NTM: variants seen among roughly 807,000 people sequenced by gnomAD.
NTM encodes the protein neurotrimin.
In NTM, 13 loss-of-function variants were observed where a neutral mutation model predicts 42.1. That is an observed-to-expected ratio of 0.31 (90% confidence interval 0.20 to 0.49). The LOEUF (loss-of-function observed/expected upper bound fraction) is 0.49. Among genes scored for constraint, NTM ranks in the 20% least tolerant of loss-of-function variants. The pLI is 0.99. For synonymous variants in NTM, 187 were observed against 179.2 expected, an observed-to-expected ratio of 1.04 and a Z score of -0.35; for missense variants, 373 against 452.8, an observed-to-expected ratio of 0.82 and a Z score of 1.60.
chr11:131,911,352 C>A, intron 1 of NTM: 1 of 1,521,340 alleles, frequency 6.6e-7, no homozygotes, highest in Non-Finnish European at 8.8e-7. Flanking sequence ...CTCCTCCCCG[C>A]GCCTCCCGGT....
intron 2 of NTM, among the ~76,000 whole-genome samples, chr11:132,097,923 T>C (rs542630256): frequency 7.2e-5 from 11 of 152,370 alleles, no homozygotes; most frequent in East Asian, 1.9e-4. Context: ...CGTTTTGCAA[T>C]TGAGGCAAAC....
chr11:131,958,884 A>T (rs2061832961), intron 2 of NTM, among the ~76,000 whole-genome samples: 1 of 152,212 alleles, frequency 6.6e-6, no homozygotes, highest in Non-Finnish European at 1.5e-5. Flanking sequence ...AGCCTTCGCC[A>T]ACTAAGAAAT....
rs571549410 is a variant in NTM at position 131,532,237 on chromosome 11, C to A, written c.82+161349C>A. Among the ~76,000 whole-genome samples, 3 of 152,290 alleles carry A rather than the reference C, an allele frequency of 2.0e-5. No homozygotes were observed. The Middle Eastern group carries it at 0.01, about 518-fold the overall frequency. On this transcript the variant is annotated intron_variant, in intron 1 of 8. Coordinates refer to ENST00000683400, the MANE Select transcript of NTM (RefSeq NM_001352005.2). ...CCATTAAACAAGAACTCCCCATTCTCCACCCCACTCCTCCAGCTCCTGGTA... is the reference window on the plus strand; with the variant it reads ...CCATTAAACAAGAACTCCCCATTCTACACCCCACTCCTCCAGCTCCTGGTA...
chr11:132,015,103 G>T (rs553056642), intron 2 of NTM, among the ~76,000 whole-genome samples: 8 of 151,980 alleles, frequency 5.3e-5, no homozygotes, highest in African/African-American at 1.9e-4. Flanking sequence ...TCATTCTTCT[G>T]CATAGGAATA....
In NTM at chr11:132,146,686, A is replaced by G; in HGVS notation, c.400+172A>G. The G allele has an allele frequency of 1.7e-6, 1 of 575,920 alleles. No individual in the cohort carries two copies. Among genetic ancestry groups the G allele is most frequent in the African/African-American group, 1.9e-5 (1 of 53,416 alleles). The allele number at this position is 575,920 out of a possible 1,614,324, so 35.7% of individuals were successfully genotyped here. Reference sequence around the variant, plus strand: ...CAGTTAGAAGCTAAATTTTCCAGTCATTTTCATTGAGTGGAACTAGGAATT... The same window carrying G: ...CAGTTAGAAGCTAAATTTTCCAGTCGTTTTCATTGAGTGGAACTAGGAATT... On this transcript the variant is annotated intron_variant, in intron 3 of 8. Transcript: ENST00000683400. The surrounding 1 kb of genome is among the most constrained non-coding windows in gnomAD (Gnocchi z 4.5).
At chr11:132,281,290 A>G (rs2093962301) in intron 4 of NTM, among the ~76,000 whole-genome samples, 1 of 152,204 alleles carries the variant, frequency 6.6e-6, no homozygotes, top group African/African-American at 2.4e-5. Context: ...AGGTTTCAGG[A>G]GTTTTCTCAC....
intron 1 of NTM, among the ~76,000 whole-genome samples, chr11:131,812,394 C>T (rs1028189996): frequency 2.6e-5 from 4 of 152,120 alleles, no homozygotes; most frequent in African/African-American, 9.7e-5. Flanking sequence ...AGGATAGACC[C>T]TAGGACCTGA....
intron 3 of NTM, among the ~76,000 whole-genome samples, chr11:132,195,034 G>A (rs573325423): frequency 1.3e-5 from 2 of 151,922 alleles, no homozygotes; most frequent in East Asian, 3.9e-4. Flanking sequence ...TGTTGGCCAG[G>A]TTGGTCTCGA....
chr11:132,320,265 T>G (rs1363160137), intron 7 of NTM, among the ~76,000 whole-genome samples: 2 of 152,202 alleles, frequency 1.3e-5, no homozygotes, highest in East Asian at 3.9e-4. Flanking sequence ...TCTGAGGTAC[T>G]GGGTTCATCT....
chr11:132,108,234 CTT>C (rs770038950), intron 2 of NTM, among the ~76,000 whole-genome samples: 39 of 152,312 alleles, frequency 2.6e-4, no homozygotes, highest in Non-Finnish European at 4.6e-4. Context: ...TTTCAACAGG[CTT>C]TAGTTTAATC....
chr11:132,123,668 G>C (rs1191867771), intron 2 of NTM, among the ~76,000 whole-genome samples: 1 of 152,168 alleles, frequency 6.6e-6, no homozygotes, highest in African/African-American at 2.4e-5. Flanking sequence ...CTGAGTACCT[G>C]CCGTGAGACC....
chr11:131,645,070 C>G (rs2065605553), intron 1 of NTM, among the ~76,000 whole-genome samples: 2 of 152,104 alleles, frequency 1.3e-5, no homozygotes, highest in African/African-American at 4.8e-5. Flanking sequence ...AGATTGAGCC[C>G]TGACCAGACT....
intron 1 of NTM, among the ~76,000 whole-genome samples, chr11:131,543,148 C>G (rs1440107876): frequency 6.6e-6 from 1 of 152,180 alleles, no homozygotes; most frequent in Non-Finnish European, 1.5e-5. Context: ...AGTTGAAACG[C>G]TGCCATTTTC....
At chr11:131,816,116 C>CT (rs2092941461) in intron 1 of NTM, among the ~76,000 whole-genome samples, 2 of 152,092 alleles carry the variant, frequency 1.3e-5, no homozygotes, top group African/African-American at 4.8e-5. Context: ...AAAATTCTGC[C>CT]TTTTTTGATT....
intron 2 of NTM, among the ~76,000 whole-genome samples, chr11:132,099,978 A>T (rs963721813): frequency 6.6e-6 from 1 of 151,920 alleles, no homozygotes; most frequent in African/African-American, 2.4e-5. Flanking sequence ...CACCATTGAG[A>T]TCCCTTTCTA....
chr11:131,760,273 G>T (rs2083943117), intron 1 of NTM, among the ~76,000 whole-genome samples: 1 of 152,224 alleles, frequency 6.6e-6, no homozygotes, highest in African/African-American at 2.4e-5. Flanking sequence ...TTGATCATTG[G>T]GTCACTTCGG....
chr11:132,165,423 A>G (rs2137718884), intron 3 of NTM, among the ~76,000 whole-genome samples: 1 of 152,138 alleles, frequency 6.6e-6, no homozygotes, highest in South Asian at 2.1e-4. Flanking sequence ...CATTTATCCC[A>G]TTTACCTAAC....
chr11:131,868,005 C>T (rs2047398674), intron 1 of NTM, among the ~76,000 whole-genome samples: 1 of 152,158 alleles, frequency 6.6e-6, no homozygotes, highest in African/African-American at 2.4e-5. Flanking sequence ...ACCCTGGAGT[C>T]TTGCTTCTTC....
intron 1 of NTM, among the ~76,000 whole-genome samples, chr11:131,832,841 A>G (rs1043786997): frequency 2.0e-5 from 3 of 152,234 alleles, no homozygotes; most frequent in Admixed American, 2.0e-4. Context: ...TATATAGACA[A>G]GGGCGCTTTA....
Sources: gnomAD v4.1 joint callset for allele counts (sites outside exome capture counted in the v4.1 genomes callset) on GRCh38, gnomAD v4.1.1 for gene constraint, Gnocchi (gnomAD v3.1) non-coding constraint, MANE v1.5 for transcripts, NCBI Gene and HGNC (gene_info 2026-07-23, HGNC 2026-07-21) for gene names.